KCNH5: variants seen among roughly 807,000 people sequenced by gnomAD.
The protein encoded by KCNH5 is voltage-gated delayed rectifier potassium channel KCNH5.
Under a neutral mutation model 96.1 loss-of-function variants are expected in KCNH5, and 46 were observed. That is an observed-to-expected ratio of 0.48 (90% CI 0.38 to 0.61). KCNH5 has a LOEUF of 0.61. Among genes scored for constraint, KCNH5 ranks in the 20% least tolerant of loss-of-function variants. KCNH5 has a pLI of 0.00. For synonymous variants in KCNH5, 439 were observed against 449.8 expected (o/e 0.98, Z 0.30); for missense variants, 907 against 1,225.8 (o/e 0.74, Z 3.88).
At chr14:62,927,286 T>C (rs1167008016) in intron 7 of KCNH5, among the ~76,000 whole-genome samples, 1 of 152,038 alleles carries the variant, frequency 6.6e-6, no homozygotes, top group Non-Finnish European at 1.5e-5. Context: ...GCACTGTTGG[T>C]GGGAATGTGA....
At chr14:62,821,918 G>C (rs930137373) in intron 8 of KCNH5, among the ~76,000 whole-genome samples, 8 of 152,118 alleles carry the variant, frequency 5.3e-5, no homozygotes, top group Non-Finnish European at 8.8e-5. Context: ...TGTACTGATG[G>C]TAAGGAAAAA....
intron 7 of KCNH5, among the ~76,000 whole-genome samples, chr14:62,853,494 A>ATATATATATAT (rs375695583): frequency 2.0e-5 from 2 of 102,120 alleles, no homozygotes; most frequent in South Asian, 4.4e-4. Context: ...ATATATATAT[A>ATATATATATAT]ATCTTGGCCA....
chr14:62,773,210 G>A lies in KCNH5; in HGVS notation c.2019+6518C>T, dbSNP rs183917373. Among the ~76,000 whole-genome samples the A allele has an allele frequency of 3.1e-3, 476 of 152,224 alleles. 4 individuals carry two copies. Among genetic ancestry groups the A allele is most frequent in the African/African-American group, 0.011 (445 of 41,526 alleles). ...CCACTAACTAGCTAAGTGAACTTAG[G>A]CAATCACTTAATTTCTTAGGTCTGA... On this transcript the variant is annotated intron_variant, in intron 10 of 10. Transcript: ENST00000322893.
intron 7 of KCNH5, among the ~76,000 whole-genome samples, chr14:62,907,490 T>C (rs577485626): frequency 6.6e-6 from 1 of 152,298 alleles, no homozygotes; most frequent in Non-Finnish European, 1.5e-5. Context: ...GACAACTTCA[T>C]GCAAGTCTGG....
At chr14:62,993,691 T>A (rs1459693804) in intron 4 of KCNH5, among the ~76,000 whole-genome samples, 2 of 152,090 alleles carry the variant, frequency 1.3e-5, no homozygotes, top group Admixed American at 1.3e-4. Context: ...CAACTTGTAC[T>A]GTATAAACTT....
chr14:62,866,524 C>A (rs1264063863), intron 7 of KCNH5, among the ~76,000 whole-genome samples: 1 of 152,162 alleles, frequency 6.6e-6, no homozygotes, highest in Non-Finnish European at 1.5e-5. Flanking sequence ...CCGGGCACAT[C>A]ATTGTGGCAG....
chr14:62,818,976 A>AT (rs1430835908), intron 8 of KCNH5, among the ~76,000 whole-genome samples: 5 of 151,866 alleles, frequency 3.3e-5, no homozygotes, highest in African/African-American at 4.8e-5. Flanking sequence ...TTATCTATTT[A>AT]TTTTTTTTGA....
In KCNH5 at chr14:62,950,156, GA is replaced by G; in HGVS notation, c.1345del (p.Ser449ArgfsTer4). The G allele has an allele frequency of 6.2e-7, 1 of 1,613,752 alleles. No homozygotes were observed. Among genetic ancestry groups the G allele is most frequent in the South Asian group, 1.1e-5 (1 of 91,026 alleles). On this transcript the variant is annotated frameshift_variant, in exon 7 of 11. Coordinates refer to ENST00000322893, the MANE Select transcript of KCNH5 (RefSeq NM_139318.5). LOFTEE classifies it high-confidence loss of function. ...APTTDVEKMFSVAMMMVGSLL... is the reference protein window; with the variant it reads ...APTTDVEKMFXVAMMMVGSLL... ...ACAGCCAACCATCATCATAGCCACC[GA>G]AAACATCTTCTCCACATCTGTGGTA...
intron 2 of KCNH5, 68 bp from the exon 3 acceptor site, chr14:63,006,540 T>A: frequency 1.1e-6 from 1 of 897,064 alleles, no homozygotes; most frequent in South Asian, 1.4e-5. Flanking sequence ...ACAAAAATCA[T>A]ATAATTGTCT....
At chr14:62,810,890 G>C (rs1288801657) in intron 8 of KCNH5, among the ~76,000 whole-genome samples, 2 of 151,948 alleles carry the variant, frequency 1.3e-5, no homozygotes, top group Non-Finnish European at 2.9e-5. Context: ...TCTTGCATGA[G>C]ATCCAAGAAC....
chr14:62,993,155 T>G (rs1438740546), intron 4 of KCNH5, among the ~76,000 whole-genome samples: 2 of 152,096 alleles, frequency 1.3e-5, no homozygotes. Flanking sequence ...GACTATCTAT[T>G]CTGTTCTATT....
chr14:62,742,612 A>T (rs150866415), intron 10 of KCNH5, among the ~76,000 whole-genome samples: 3,591 of 152,350 alleles, frequency 0.024, 55 homozygotes, highest in South Asian at 0.048. Context: ...GCCTTAGTGG[A>T]AAACCATCGC....
chr14:63,002,822 T>A (rs1378369531), intron 3 of KCNH5, among the ~76,000 whole-genome samples: 1 of 152,132 alleles, frequency 6.6e-6, no homozygotes, highest in Non-Finnish European at 1.5e-5. Context: ...CGTGGCCCTT[T>A]CCAAAATGAT....
intron 8 of KCNH5, among the ~76,000 whole-genome samples, chr14:62,833,509 G>A (rs1008300195): frequency 6.6e-6 from 1 of 151,896 alleles, no homozygotes; most frequent in African/African-American, 2.4e-5. Flanking sequence ...TGTATGCCAG[G>A]ACCATACTGT....
At chr14:62,928,827 T>A (rs1041818753) in intron 7 of KCNH5, among the ~76,000 whole-genome samples, 1 of 152,104 alleles carries the variant, frequency 6.6e-6, no homozygotes, top group Non-Finnish European at 1.5e-5. Context: ...TTTCACCTCA[T>A]CTCACTGACC....
chr14:62,813,885 AG>A (rs923895227), intron 8 of KCNH5, among the ~76,000 whole-genome samples: 10 of 152,274 alleles, frequency 6.6e-5, no homozygotes, highest in Admixed American at 5.9e-4. Flanking sequence ...TTATATTTAA[AG>A]GAAATAAAAA....
At chr14:62,877,875 G>A (rs1888408130) in intron 7 of KCNH5, among the ~76,000 whole-genome samples, 1 of 151,182 alleles carries the variant, frequency 6.6e-6, no homozygotes, top group South Asian at 2.1e-4. Flanking sequence ...AAATCATGCT[G>A]CTATAAAGAC....
rs115812802 is a variant in KCNH5, at chr14:62,766,693, G to A, written c.2019+13035C>T. On this transcript the variant is annotated intron_variant, in intron 10 of 10. Transcript: ENST00000322893. ...GTGAACAGAAACTGGGATGGGTGGT[G>A]GGGCCTGGGTCGGGGTACTTGGGGA... Among the ~76,000 whole-genome samples, 663 of 152,222 alleles carry A rather than the reference G, an allele frequency of 4.4e-3. 8 individuals are homozygous for A. Among genetic ancestry groups the A allele is most frequent in the African/African-American group, 0.015 (617 of 41,546 alleles).
At chr14:62,916,501 A>G (rs12589408) in intron 7 of KCNH5, among the ~76,000 whole-genome samples, 24,258 of 152,214 alleles carry the variant, frequency 0.16, 2,232 homozygotes, top group East Asian at 0.41. Flanking sequence ...ATTAACTTCG[A>G]GGGAAAGCCC....
Sources: gnomAD v4.1 joint callset for allele counts (sites outside exome capture counted in the v4.1 genomes callset) on GRCh38, gnomAD v4.1.1 for gene constraint, MANE v1.5 for transcripts, NCBI Gene and HGNC (gene_info 2026-07-23, HGNC 2026-07-21) for gene names.